Variants in KNDC1 observed in about 807,000 individuals in gnomAD.
The protein encoded by KNDC1 is kinase non-catalytic C-lobe domain containing 1.
Under a neutral mutation model 172.8 loss-of-function variants are expected in KNDC1, and 106 were observed. The ratio of observed to expected loss-of-function variants is 0.61; its 90% CI spans 0.52 to 0.72. KNDC1 has a LOEUF of 0.72. Among genes scored for constraint, KNDC1 ranks in the 30% least tolerant of loss-of-function variants. The pLI, the probability that KNDC1 is intolerant of heterozygous loss-of-function variation, is 0.00. For synonymous variants in KNDC1, 1,083 were observed against 1,062.2 expected (o/e 1.02, Z -0.38); for missense variants, 2,325 against 2,394.5 (o/e 0.97, Z 0.61).
rs767283120 is a variant in KNDC1 at position 133,199,024 on chromosome 10, G to A, written c.2516G>A (p.Arg839His). The A allele has an allele frequency of 3.1e-5, 49 of 1,572,360 alleles. No homozygotes were observed. The highest frequency in any genetic ancestry group is 3.3e-4 in the Middle Eastern group (2 of 5,982). ...CCCCCACGAAGCAAGGCCACCGAGC[G>A]CCCGGGCCAGGAGCCAGAGGGCCCC... ...PKPPRSKATE[R>H]PGQEPEGPGA... The change falls in exon 14 of 30, where the codon CGC becomes CAC. Residue 839 changes from arginine (R) to histidine (H), a missense_variant. Transcript: ENST00000304613.
intron 3 of KNDC1, among the ~76,000 whole-genome samples, chr10:133,169,661 G>A (rs1853309765): frequency 1.3e-5 from 2 of 152,138 alleles, no homozygotes; most frequent in South Asian, 4.1e-4. Flanking sequence ...CCGTGACGCG[G>A]CACGTGGCCT....
chr10:133,199,883 G>A (rs1374240502), intron 15 of KNDC1, among the ~76,000 whole-genome samples: 1 of 152,146 alleles, frequency 6.6e-6, no homozygotes, highest in African/African-American at 2.4e-5. Flanking sequence ...GAGGCTGCAG[G>A]GGGCCTGGGC....
chr10:133,224,436 G>A lies in KNDC1; in HGVS notation c.5019-223G>A, dbSNP rs1037566590. Among the ~76,000 whole-genome samples the A allele has an allele frequency of 6.6e-6, 1 of 152,262 alleles. No individual in the cohort carries two copies. Among genetic ancestry groups the A allele is most frequent in the Non-Finnish European group, 1.5e-5 (1 of 68,022 alleles). ...CTGAGCCTGCAGGGTTTCCATAAGC[G>A]TGTGTGGACTGAAATGTGGATGGAT... is the stretch of plus-strand genomic sequence containing the variant. On this transcript the variant is annotated intron_variant, in intron 29 of 29. Transcript: ENST00000304613. This position sits in a 1 kb window ranked among gnomAD's most constrained non-coding sequence, Gnocchi z 5.4.
chr10:133,183,300 G>A lies in KNDC1; in HGVS notation c.361-44G>A, dbSNP rs112021789. On this transcript the variant is annotated intron_variant, in intron 3 of 29. Transcript: ENST00000304613. ...AAGTGCTGGCCGCGGTCGGGGTGGC[G>A]CACACGCAGAGACTCTGGAGCTGAC... 4.7e-4 allele frequency: 717 copies of A among 1,533,940 alleles called. 2 individuals are homozygous for A. In the African/African-American group the frequency reaches 7.1e-3, roughly 15 times the overall value.
At chr10:133,161,212 G>A (rs190098946) in intron 1 of KNDC1, among the ~76,000 whole-genome samples, 1 of 152,312 alleles carries the variant, frequency 6.6e-6, no homozygotes, top group East Asian at 1.9e-4. Flanking sequence ...CTCTGGCTTG[G>A]CTGGGATGGA....
intron 3 of KNDC1, among the ~76,000 whole-genome samples, chr10:133,171,910 C>G (rs1020999609): frequency 2.6e-5 from 4 of 152,242 alleles, no homozygotes. Context: ...GCCACTGTGT[C>G]TGGCCACAAT....
chr10:133,168,105 C>CAA, intron 2 of KNDC1, 149 bp from the exon 3 acceptor site: 1 of 732,228 alleles, frequency 1.4e-6, no homozygotes, highest in Non-Finnish European at 2.5e-6. Context: ...AGCTGATTTC[C>CAA]CTTTTTCATG....
In KNDC1 at chr10:133,201,829, C is replaced by T. The variant is rs750293631; in HGVS notation, c.3318C>T (p.Asp1106=). 15 of 1,491,600 alleles carry T rather than the reference C, an allele frequency of 1.0e-5. No individual in the cohort carries two copies. Among genetic ancestry groups the T allele is most frequent in the East Asian group, 9.5e-5 (4 of 41,980 alleles). 92.4% of individuals were successfully genotyped at this position (1,491,600 alleles called of 1,614,324 possible). A position where few individuals can be genotyped will look rare whatever the true frequency, so the allele number is the denominator to read the frequency against. Residue 1106 remains aspartate (D), a synonymous_variant, in exon 17 of 30, where the codon GAC becomes GAT. Coordinates refer to ENST00000304613, the MANE Select transcript of KNDC1 (RefSeq NM_152643.8). ...ACGAGGCCGACTGCTTCGGGGCCGACGTCCACAACTACGTGAAGGACCTGG... is the reference window on the plus strand; with the variant it reads ...ACGAGGCCGACTGCTTCGGGGCCGATGTCCACAACTACGTGAAGGACCTGG... The part of the protein sequence containing the change: ...AFYEADCFGA[D]VHNYVKDLGR...
chr10:133,180,602 G>C (rs938686092), intron 3 of KNDC1, among the ~76,000 whole-genome samples: 1 of 152,258 alleles, frequency 6.6e-6, no homozygotes, highest in Non-Finnish European at 1.5e-5. Context: ...ACATCCTCCT[G>C]CAAAGCTGCT....
rs929992212 is a variant in KNDC1, at chr10:133,209,190, G to A, written c.3795-1421G>A. Among the ~76,000 whole-genome samples the A allele has an allele frequency of 6.6e-6, 1 of 151,272 alleles. No individual in the cohort carries two copies. Among genetic ancestry groups the A allele is most frequent in the Non-Finnish European group, 1.5e-5 (1 of 67,852 alleles). On this transcript the variant is annotated intron_variant, in intron 20 of 29. Coordinates refer to ENST00000304613, the MANE Select transcript of KNDC1 (RefSeq NM_152643.8). This position sits in a 1 kb window ranked among gnomAD's most constrained non-coding sequence, Gnocchi z 4.9. Reference sequence around the variant, plus strand: ...TGTGCATGTGTGTATGGCATGGGGTGTAGTGTGGCGTGTACACGTGTGTGG... The same window carrying A: ...TGTGCATGTGTGTATGGCATGGGGTATAGTGTGGCGTGTACACGTGTGTGG...
Position 133,224,781 on chromosome 10 carries a change from T to C in KNDC1, c.5141T>C (p.Ile1714Thr). The C allele has an allele frequency of 6.2e-7, 1 of 1,614,072 alleles. No homozygotes were observed. Residue 1714 changes from isoleucine to threonine, a missense_variant, in exon 30 of 30, where the codon ATT becomes ACT. Ile to Thr is a moderately conservative substitution (Grantham distance 89). Transcript: ENST00000304613. The surrounding 1 kb of genome is among the most constrained non-coding windows in gnomAD (Gnocchi z 5.4). ...ATTGCCCGCTTCAGCGGTGCCGACA[T>C]TTCCACACTCGCCGCAGATAGCAGG... ...QRIARFSGAD[I>T]STLAADSRAN...
chr10:133,217,376 G>A (rs1845487681), intron 26 of KNDC1, among the ~76,000 whole-genome samples: 1 of 152,256 alleles, frequency 6.6e-6, no homozygotes, highest in South Asian at 2.1e-4. Flanking sequence ...CAGTCGGGGT[G>A]AGCCCAGGAT....
intron 9 of KNDC1, among the ~76,000 whole-genome samples, chr10:133,191,535 A>G (rs2135986220): frequency 6.6e-6 from 1 of 152,036 alleles, no homozygotes; most frequent in East Asian, 1.9e-4. Flanking sequence ...CCTCATCTCT[A>G]CTAAAAATAC....
intron 14 of KNDC1, 46 bp from the exon 15 acceptor site, chr10:133,199,412 C>G (rs1477011320): frequency 6.3e-7 from 1 of 1,599,568 alleles, no homozygotes; most frequent in Non-Finnish European, 8.5e-7. Flanking sequence ...ACCAGATGAG[C>G]AGCCCTGCCA....
Position 133,201,808 on chromosome 10 carries a change from G to A in KNDC1, c.3297G>A (p.Glu1099=), listed in dbSNP as rs372218027. 14 of 1,513,442 alleles carry A rather than the reference G, an allele frequency of 9.3e-6. No individual in the cohort carries two copies. The highest frequency in any genetic ancestry group is 3.5e-6 in the Non-Finnish European group (4 of 1,133,570). 93.8% of individuals were successfully genotyped at this position (1,513,442 alleles called of 1,614,324 possible). Residue 1099 remains glutamate (E), a synonymous_variant, in exon 17 of 30, where the codon GAG becomes GAA. Transcript: ENST00000304613. Reference sequence around the variant, plus strand: ...CCGGCTGGTGCAGCGCCTTCTACGAGGCCGACTGCTTCGGGGCCGACGTCC... The same window carrying A: ...CCGGCTGGTGCAGCGCCTTCTACGAAGCCGACTGCTTCGGGGCCGACGTCC... ...CSPGWCSAFY[E]ADCFGADVHN... is the part of the protein sequence containing the mutation.
At position 133,224,974 on chromosome 10, in the gene KNDC1, C is replaced by G; in HGVS notation, c.*84C>G. On this transcript the variant is annotated 3_prime_UTR_variant, in exon 30 of 30. Transcript: ENST00000304613. The surrounding 1 kb of genome is among the most constrained non-coding windows in gnomAD (Gnocchi z 5.4). ...GGAGGTGGGAGCCGCGTCTCAGGCC[C>G]GGCCGTTATCAAGGCCCCTCCGCCC... The G allele has an allele frequency of 3.5e-6, 4 of 1,134,760 alleles. No homozygotes were observed. Among genetic ancestry groups the G allele is most frequent in the Non-Finnish European group, 5.2e-6 (4 of 773,420 alleles). The allele number at this position is 1,134,760 out of a possible 1,614,324, so 70.3% of individuals were successfully genotyped here.
Position 133,198,910 on chromosome 10 carries a change from C to T in KNDC1, c.2402C>T (p.Pro801Leu), listed in dbSNP as rs746956068. 123 of 1,583,888 alleles carry T rather than the reference C, an allele frequency of 7.8e-5. No individual in the cohort carries two copies. Among genetic ancestry groups the T allele is most frequent in the East Asian group, 1.8e-4 (8 of 43,656 alleles). ...CCCGTAGAGCAAGGGCCGGCTGAGCCGATCCCACCTGGAGTTGCTTCCGGG... is the reference window on the plus strand; with the variant it reads ...CCCGTAGAGCAAGGGCCGGCTGAGCTGATCCCACCTGGAGTTGCTTCCGGG... ...ALPVEQGPAEPIPPGVASGGL... is the reference protein window; with the variant it reads ...ALPVEQGPAELIPPGVASGGL... The change falls in exon 14 of 30, where the codon CCG becomes CTG. Residue 801 changes from proline to leucine, a missense_variant. Pro to Leu is a moderately conservative substitution (Grantham distance 98, BLOSUM62 -3). Transcript: ENST00000304613.
rs1461420426 is a variant in KNDC1 at position 133,197,113 on chromosome 10, A to G, written c.1790A>G (p.His597Arg). Residue 597 changes from histidine (H) to arginine (R), a missense_variant, in exon 11 of 30, where the codon CAC becomes CGC. Transcript: ENST00000304613. The stretch of plus-strand genomic sequence containing the variant: ...ATGGACAGCCGGAAAATCCTTGCCC[A>G]CCTCAGAGCTTCCATCTGCCAGGTG... Reference protein sequence around the residue: ...RGMDSRKILAHLRASICQVYQ... With the variant: ...RGMDSRKILARLRASICQVYQ... The G allele has an allele frequency of 3.1e-6, 5 of 1,612,984 alleles. No homozygotes were observed. Among genetic ancestry groups the G allele is most frequent in the Non-Finnish European group, 3.4e-6 (4 of 1,179,826 alleles).
At chr10:133,167,230 C>G (rs1027965823) in intron 1 of KNDC1, 151 bp from the exon 2 acceptor site, 96 of 706,556 alleles carry the variant, frequency 1.4e-4, no homozygotes, top group Admixed American at 4.0e-4. Flanking sequence ...ACTCTTGAAA[C>G]AAAATGAGAC....
Sources: allele counts gnomAD v4.1 joint callset (sites outside exome capture counted in the v4.1 genomes callset), GRCh38; gene constraint gnomAD v4.1.1; non-coding constraint Gnocchi (gnomAD v3.1); transcripts MANE v1.5; gene names NCBI Gene and HGNC (gene_info 2026-07-23, HGNC 2026-07-21).